Variants in ARL9 observed in about 807,000 individuals in gnomAD.
ARL9 encodes the protein ARF like GTPase 9.
ARL9 carries 14 observed loss-of-function variants against 27.0 expected under a neutral mutation model. The ratio of observed to expected loss-of-function variants is 0.52; its 90% CI spans 0.34 to 0.81. The LOEUF is 0.81. Ranked by LOEUF, ARL9 falls within the 30% of genes least tolerant of loss-of-function variation. ARL9 has a pLI of 0.01. For synonymous variants in ARL9, 106 were observed against 108.7 expected (o/e 0.98, Z 0.15); for missense variants, 294 against 290.0 (o/e 1.01, Z -0.10).
intron 3 of ARL9, among the ~76,000 whole-genome samples, chr4:56,520,177 A>T (rs957546099): frequency 2.6e-5 from 4 of 152,016 alleles, no homozygotes; most frequent in African/African-American, 9.7e-5. Context: ...TAATTTTTGT[A>T]TTTTTAGTAG....
At chr4:56,519,763 T>G (rs1721867585) in intron 3 of ARL9, among the ~76,000 whole-genome samples, 1 of 152,202 alleles carries the variant, frequency 6.6e-6, no homozygotes, top group African/African-American at 2.4e-5. Flanking sequence ...ATGTTTTTTA[T>G]GATATGTTCA....
At chr4:56,510,659 G>A (rs1264791243) in intron 1 of ARL9, among the ~76,000 whole-genome samples, 2 of 152,174 alleles carry the variant, frequency 1.3e-5, no homozygotes, top group Non-Finnish European at 2.9e-5. Flanking sequence ...ATCAGGAGGT[G>A]GGGGATAGAG....
chr4:56,520,444 C>T (rs1470098524), intron 3 of ARL9, among the ~76,000 whole-genome samples: 1 of 152,050 alleles, frequency 6.6e-6, no homozygotes, highest in Non-Finnish European at 1.5e-5. Context: ...ATACGAGGTA[C>T]CTAGAGTTGT....
chr4:56,511,393 C>T, intron 2 of ARL9, 46 bp downstream of exon 2: 1 of 1,547,412 alleles, frequency 6.5e-7, no homozygotes, highest in Non-Finnish European at 8.8e-7. Flanking sequence ...ATTTTATTGT[C>T]TCTTAAGCCA....
chr4:56,505,692 A>G, upstream of ARL9: 1 of 1,131,454 alleles, frequency 8.8e-7, no homozygotes, highest in Non-Finnish European at 1.2e-6. Context: ...TGCATCCGCG[A>G]GGTAAGCGGC....
chr4:56,510,097 T>G (rs999493760), intron 1 of ARL9, among the ~76,000 whole-genome samples: 2 of 152,000 alleles, frequency 1.3e-5, no homozygotes, highest in African/African-American at 4.8e-5. Flanking sequence ...CGGTGGCTCA[T>G]GCCTGTAATC....
chr4:56,514,475 A>G (rs995683170), intron 2 of ARL9, among the ~76,000 whole-genome samples: 7 of 152,206 alleles, frequency 4.6e-5, no homozygotes, highest in African/African-American at 1.7e-4. Context: ...TGGAAACCAC[A>G]TATAAATAAT....
chr4:56,506,224 AG>A, intron 1 of ARL9, 83 bp downstream of exon 1: 1 of 1,215,948 alleles, frequency 8.2e-7, no homozygotes, highest in South Asian at 4.2e-5. Context: ...GTTACGTCGG[AG>A]GCCCCCGACC....
At chr4:56,523,647 G>T in intron 3 of ARL9, 50 bp from the exon 4 acceptor site, 2 of 1,474,984 alleles carry the variant, frequency 1.4e-6, no homozygotes, top group Non-Finnish European at 1.9e-6. Context: ...TATCTGAAAG[G>T]ATTGCAAAAT....
intron 1 of ARL9, among the ~76,000 whole-genome samples, 155 bp from the exon 2 acceptor site, chr4:56,511,030 C>T (rs549327412): frequency 6.6e-6 from 1 of 152,292 alleles, no homozygotes; most frequent in East Asian, 1.9e-4. Context: ...GCCTCGGCCT[C>T]CCAAAGTGCT....
intron 3 of ARL9, among the ~76,000 whole-genome samples, chr4:56,521,316 G>T (rs1721911653): frequency 6.6e-6 from 1 of 151,992 alleles, no homozygotes; most frequent in African/African-American, 2.4e-5. Flanking sequence ...CATGGTACAT[G>T]TAAGTGAGCT....
intron 2 of ARL9, among the ~76,000 whole-genome samples, chr4:56,514,490 T>C (rs887281813): frequency 6.6e-6 from 1 of 152,110 alleles, no homozygotes; most frequent in African/African-American, 2.4e-5. Context: ...AATAATGTCA[T>C]GAAGGAAAAA....
intron 2 of ARL9, among the ~76,000 whole-genome samples, chr4:56,512,342 T>C (rs1181677223): frequency 6.6e-6 from 1 of 152,148 alleles, no homozygotes; most frequent in Non-Finnish European, 1.5e-5. Flanking sequence ...TTATGACTCA[T>C]GAGGCTCTTC....
intron 2 of ARL9, 54 bp downstream of exon 2, chr4:56,511,401 C>A: frequency 6.5e-7 from 1 of 1,532,746 alleles, no homozygotes; most frequent in Non-Finnish European, 8.9e-7. Context: ...GTCTCTTAAG[C>A]CAGATATGAT....
At position 56,524,119 on chromosome 4, in the gene ARL9, T is replaced by C; in HGVS notation, c.*243T>C. The C allele has an allele frequency of 2.5e-6, 1 of 400,800 alleles. No homozygotes were observed. Among genetic ancestry groups the C allele is most frequent in the Admixed American group, 4.0e-5 (1 of 24,818 alleles). The allele number at this position is 400,800 out of a possible 1,614,324, so 24.8% of individuals were successfully genotyped here. On this transcript the variant is annotated 3_prime_UTR_variant, in exon 4 of 4. Transcript: ENST00000640821. ...AATAATAACACAACAATAAAAATAA[T>C]ACACATTTTAAAATACAATATAACA...
At chr4:56,509,183 TTTTTTC>T (rs922698874) in intron 1 of ARL9, among the ~76,000 whole-genome samples, 2 of 149,802 alleles carry the variant, frequency 1.3e-5, no homozygotes, top group African/African-American at 2.5e-5. Flanking sequence ...GATAGAATGC[TTTTTTC>T]TTTTTCTTTT....
intron 2 of ARL9, among the ~76,000 whole-genome samples, chr4:56,514,128 G>A (rs1042075589): frequency 1.3e-5 from 2 of 152,156 alleles, no homozygotes; most frequent in African/African-American, 2.4e-5. Flanking sequence ...CCATGATCAC[G>A]CCACTGCATT....
chr4:56,520,246 A>G (rs1162707801), intron 3 of ARL9, among the ~76,000 whole-genome samples: 1 of 152,060 alleles, frequency 6.6e-6, no homozygotes, highest in Admixed American at 6.5e-5. Flanking sequence ...CAAGTGATCC[A>G]CCCACCTGGG....
At chr4:56,514,653 A>C (rs1296154224) in intron 2 of ARL9, among the ~76,000 whole-genome samples, 2 of 152,226 alleles carry the variant, frequency 1.3e-5, no homozygotes, top group African/African-American at 4.8e-5. Flanking sequence ...TGAATAATTT[A>C]AAACTTTTAA....
Sources: gnomAD v4.1 joint callset for allele counts (sites outside exome capture counted in the v4.1 genomes callset) on GRCh38, gnomAD v4.1.1 for gene constraint, MANE v1.5 for transcripts, NCBI Gene and HGNC (gene_info 2026-07-23, HGNC 2026-07-21) for gene names.